DAP: variants seen among roughly 807,000 people sequenced by gnomAD.
DAP encodes the protein death associated protein.
A neutral mutation model predicts 13.8 loss-of-function variants in DAP; 8 were observed. That is an observed-to-expected ratio of 0.58 (90% CI 0.34 to 1.05). The LOEUF (loss-of-function observed/expected upper bound fraction) is 1.05. Among genes scored for constraint, DAP ranks in the 50% least tolerant of loss-of-function variants. The probability of loss-of-function intolerance (pLI) is 0.03; values close to 1 mark genes in which losing one functional copy is unlikely to be tolerated. For synonymous variants in DAP, 47 were observed against 47.5 expected (o/e 0.99, Z 0.04); for missense variants, 106 against 133.2 (o/e 0.80, Z 1.01).
intron 2 of DAP, among the ~76,000 whole-genome samples, chr5:10,720,073 G>C (rs1739099600): frequency 1.3e-5 from 2 of 152,300 alleles, no homozygotes; most frequent in Admixed American, 6.5e-5. Context: ...TGCAGCCAAT[G>C]GTTTGGCTGG....
chr5:10,689,218 C>A (rs539721851), intron 2 of DAP, among the ~76,000 whole-genome samples: 58 of 152,248 alleles, frequency 3.8e-4, no homozygotes, highest in African/African-American at 1.3e-3. Context: ...TAGAAACCAG[C>A]CTCTGACTCC....
intron 2 of DAP, among the ~76,000 whole-genome samples, chr5:10,701,606 G>T (rs1165110711): frequency 6.6e-6 from 1 of 151,412 alleles, no homozygotes; most frequent in African/African-American, 2.4e-5. Context: ...GGGGACGGGG[G>T]GCGGGGGGGC....
intron 2 of DAP, among the ~76,000 whole-genome samples, chr5:10,744,741 C>G (rs16885280): frequency 0.025 from 3,871 of 152,324 alleles, 144 homozygotes; most frequent in African/African-American, 0.084. Flanking sequence ...CACAGTAATA[C>G]CAACTTATAG....
At chr5:10,685,939 C>A (rs1199779350) in intron 2 of DAP, among the ~76,000 whole-genome samples, 2 of 151,978 alleles carry the variant, frequency 1.3e-5, no homozygotes, top group Non-Finnish European at 2.9e-5. Flanking sequence ...CACACACACA[C>A]AAACAAACAC....
intron 2 of DAP, among the ~76,000 whole-genome samples, chr5:10,706,956 G>A (rs1275537974): frequency 2.0e-5 from 3 of 152,138 alleles, no homozygotes; most frequent in Admixed American, 6.5e-5. Context: ...CTGGTCACGC[G>A]CTTCCTCCTT....
At position 10,750,105 on chromosome 5, in the gene DAP, C is replaced by G. The variant is rs1406824077; in HGVS notation, c.56-1834G>C. Among the ~76,000 whole-genome samples, 6 of 152,138 alleles carry G rather than the reference C, an allele frequency of 3.9e-5. No individual in the cohort carries two copies. The East Asian group carries it at 7.7e-4, about 20-fold the overall frequency. On this transcript the variant is annotated intron_variant, in intron 1 of 3. Transcript: ENST00000230895. ...TGGATGTGGGCCTTACTGAGCTTTACCCTTCAAGTCTCTGAGTCTCTGCCA... is the reference window on the plus strand; with the variant it reads ...TGGATGTGGGCCTTACTGAGCTTTAGCCTTCAAGTCTCTGAGTCTCTGCCA...
At chr5:10,703,460 T>A (rs940593109) in intron 2 of DAP, among the ~76,000 whole-genome samples, 1 of 152,152 alleles carries the variant, frequency 6.6e-6, no homozygotes, top group Non-Finnish European at 1.5e-5. Flanking sequence ...CATCAGGTGC[T>A]TTAAGCTTCG....
At chr5:10,702,985 C>T (rs992400872) in intron 2 of DAP, among the ~76,000 whole-genome samples, 1 of 152,242 alleles carries the variant, frequency 6.6e-6, no homozygotes, top group African/African-American at 2.4e-5. Flanking sequence ...CAGCCAGAGT[C>T]TCAAATGCCT....
chr5:10,685,925 G>GACAC (rs111266561), intron 2 of DAP, among the ~76,000 whole-genome samples: 1,743 of 151,934 alleles, frequency 0.011, 31 homozygotes, highest in African/African-American at 0.039. Flanking sequence ...CCCCTCTACA[G>GACAC]ACACACACAC....
chr5:10,728,152 C>T lies in DAP; in HGVS notation c.152+20023G>A, dbSNP rs543936057. Among the ~76,000 whole-genome samples the T allele has an allele frequency of 5.3e-5, 8 of 152,178 alleles. No individual in the cohort carries two copies. In the East Asian group the frequency reaches 1.5e-3, roughly 29 times the overall value. On this transcript the variant is annotated intron_variant, in intron 2 of 3. Coordinates refer to ENST00000230895, the MANE Select transcript of DAP (RefSeq NM_004394.3). ...AGAACATGAAGGCGGTTGTAACTTA[C>T]TTTTTTTTCCTGGATATCAGAAAGT...
chr5:10,755,875 C>T (rs755841419), intron 1 of DAP, among the ~76,000 whole-genome samples: 4 of 152,154 alleles, frequency 2.6e-5, no homozygotes, highest in South Asian at 2.1e-4. Context: ...AGGCTGGGTG[C>T]GGTGGCTCAT....
chr5:10,706,194 A>C (rs1324711169), intron 2 of DAP, among the ~76,000 whole-genome samples: 2 of 152,248 alleles, frequency 1.3e-5, no homozygotes, highest in Non-Finnish European at 2.9e-5. Flanking sequence ...TAGGTGCTTG[A>C]CTATAAAATG....
intron 2 of DAP, among the ~76,000 whole-genome samples, chr5:10,692,503 C>T (rs1477697033): frequency 6.6e-6 from 1 of 152,192 alleles, no homozygotes; most frequent in Non-Finnish European, 1.5e-5. Context: ...GTCCAGCGCC[C>T]ATCCCAAGTC....
At position 10,687,406 on chromosome 5, in the gene DAP, T is replaced by C. The variant is rs186886043; in HGVS notation, c.153-3835A>G. Among the ~76,000 whole-genome samples the C allele has an allele frequency of 6.7e-3, 1,026 of 152,326 alleles. 34 individuals are homozygous for C. Among genetic ancestry groups the C allele is most frequent in the Admixed American group, 0.062 (952 of 15,306 alleles). On this transcript the variant is annotated intron_variant, in intron 2 of 3. Coordinates refer to ENST00000230895, the MANE Select transcript of DAP (RefSeq NM_004394.3). ...TTACTACTATAGATGCCACTAAGAA[T>C]ACTCATGATTCATGGGAGGAGGTCA... is the stretch of plus-strand genomic sequence containing the variant.
rs374169223 is a variant in DAP at position 10,686,364 on chromosome 5, AGAAATGACCCAGCTTAGCGAG to A, written c.153-2814_153-2794del. Among the ~76,000 whole-genome samples, 760 of 152,350 alleles carry A rather than the reference AGAAATGACCCAGCTTAGCGAG, an allele frequency of 5.0e-3. 6 individuals are homozygous for A. Among genetic ancestry groups the A allele is most frequent in the African/African-American group, 0.017 (717 of 41,576 alleles). ...TGTCTCTCACTTTCAATCAAAAGCT[AGAAATGACCCAGCTTAGCGAG>A]GAAGACATGTCGGAAGCTCAGACAG... On this transcript the variant is annotated intron_variant, in intron 2 of 3. Transcript: ENST00000230895.
At chr5:10,700,257 A>G (rs1287152051) in intron 2 of DAP, among the ~76,000 whole-genome samples, 1 of 152,222 alleles carries the variant, frequency 6.6e-6, no homozygotes, top group Non-Finnish European at 1.5e-5. Flanking sequence ...GGCTGGGCAG[A>G]TAAGTCCACC....
intron 2 of DAP, among the ~76,000 whole-genome samples, chr5:10,718,874 G>A (rs1739062526): frequency 6.6e-6 from 1 of 152,202 alleles, no homozygotes; most frequent in Non-Finnish European, 1.5e-5. Flanking sequence ...CTGGCTTTGT[G>A]TCATAATCTT....
chr5:10,740,714 A>AACAAAGACATTTTCAGAAAG (rs1739733470), intron 2 of DAP, among the ~76,000 whole-genome samples: 1 of 152,238 alleles, frequency 6.6e-6, no homozygotes, highest in African/African-American at 2.4e-5. Flanking sequence ...GTAAAAGCAA[A>AACAAAGACATTTTCAGAAAG]ACAAAGACAT....
At chr5:10,722,479 A>ACT (rs896532472) in intron 2 of DAP, among the ~76,000 whole-genome samples, 1 of 150,556 alleles carries the variant, frequency 6.6e-6, no homozygotes, top group African/African-American at 2.5e-5. Flanking sequence ...TACTTAATAA[A>ACT]CTCTCTCTCT....
Sources: gnomAD v4.1 joint callset for allele counts (sites outside exome capture counted in the v4.1 genomes callset) on GRCh38, gnomAD v4.1.1 for gene constraint, MANE v1.5 for transcripts, NCBI Gene and HGNC (gene_info 2026-07-23, HGNC 2026-07-21) for gene names.